Variants in CCDC88C observed in about 807,000 individuals in gnomAD.
CCDC88C encodes protein Daple.
A neutral mutation model predicts 198.8 loss-of-function variants in CCDC88C; 131 were observed. The observed-to-expected ratio is 0.66, with a 90% CI of 0.57 to 0.76. The LOEUF (loss-of-function observed/expected upper bound fraction) is 0.76, where lower values mean the gene tolerates loss of function less well. CCDC88C is among the 30% of genes least tolerant of loss of function. The probability of loss-of-function intolerance (pLI) is 0.00; values close to 1 mark genes in which losing one functional copy is unlikely to be tolerated. For missense variants in CCDC88C, 2,553 were observed against 2,631.6 expected (o/e 0.97, Z 0.65); for synonymous variants, 1,166 against 1,114.7 (o/e 1.05, Z -0.92).
At chr14:91,298,331 G>A (rs559597334) in intron 21 of CCDC88C, among the ~76,000 whole-genome samples, 16 of 151,840 alleles carry the variant, frequency 1.1e-4, no homozygotes, top group African/African-American at 3.1e-4. Context: ...CCGAGATCGC[G>A]CCACTGCACT....
chr14:91,320,564 C>T (rs1344960286), intron 13 of CCDC88C, among the ~76,000 whole-genome samples: 1 of 152,208 alleles, frequency 6.6e-6, no homozygotes, highest in East Asian at 1.9e-4. Flanking sequence ...GATCTGCAGC[C>T]AGCCGATCAG....
chr14:91,395,252 C>A (rs902976536), intron 3 of CCDC88C, among the ~76,000 whole-genome samples: 1 of 152,166 alleles, frequency 6.6e-6, no homozygotes, highest in African/African-American at 2.4e-5. Context: ...CTGCCCCCTC[C>A]GCCTGCAGAA....
rs186499974 is a variant in CCDC88C at position 91,339,836 on chromosome 14, G to C, written c.624+48C>G. On this transcript the variant is annotated intron_variant, in intron 7 of 29. Coordinates refer to ENST00000389857, the MANE Select transcript of CCDC88C (RefSeq NM_001080414.4). The surrounding 1 kb of genome is among the most constrained non-coding windows in gnomAD (Gnocchi z 5.8). ...AGATGAAGGGAGAGGAGATGAAGGG[G>C]CCTAAGCCCCTTCCCAGGCTGACCG... 76 of 1,535,514 alleles carry C rather than the reference G, an allele frequency of 4.9e-5. No homozygotes were observed. The African/African-American group carries it at 8.5e-4, about 17-fold the overall frequency.
intron 12 of CCDC88C, among the ~76,000 whole-genome samples, chr14:91,323,663 T>A (rs941700461): frequency 6.6e-6 from 1 of 152,152 alleles, no homozygotes; most frequent in African/African-American, 2.4e-5. Context: ...TAGAAAATGG[T>A]CTAAATCGGT....
In CCDC88C at chr14:91,289,197, G is replaced by C. The variant is rs570846021; in HGVS notation, c.4349C>G (p.Pro1450Arg). ...GGGGTTCTCGGCCTGTGATCTGAGC[G>C]GCTGAGAGGCCGCCGGCGAGGCGGG... is the stretch of plus-strand genomic sequence containing the variant. ...SDPASPAASQ[P>R]LRSQAENPDT... Residue 1450 changes from proline to arginine, a missense_variant, in exon 25 of 30, where the codon CCG (proline) becomes CGG (arginine). Pro to Arg is a moderately radical substitution (Grantham distance 103, BLOSUM62 -2). Transcript: ENST00000389857. The C allele has an allele frequency of 2.5e-6, 4 of 1,613,978 alleles. No individual in the cohort carries two copies. In the East Asian group the frequency reaches 8.9e-5, roughly 36 times the overall value.
intron 3 of CCDC88C, among the ~76,000 whole-genome samples, chr14:91,386,431 G>A (rs1214939832): frequency 6.6e-6 from 1 of 151,932 alleles, no homozygotes; most frequent in Non-Finnish European, 1.5e-5. Context: ...TTTGCAGTCC[G>A]GCCCGGGAAA....
intron 3 of CCDC88C, among the ~76,000 whole-genome samples, chr14:91,383,229 G>A (rs1884913641): frequency 6.6e-6 from 1 of 152,222 alleles, no homozygotes; most frequent in Admixed American, 6.5e-5. Flanking sequence ...CCCTGGCTCT[G>A]CCAGGCCTGG....
At chr14:91,398,490 C>A (rs1667515629) in intron 3 of CCDC88C, among the ~76,000 whole-genome samples, 1 of 151,946 alleles carries the variant, frequency 6.6e-6, no homozygotes, top group African/African-American at 2.4e-5. Flanking sequence ...CCCATCTCTA[C>A]AAAAAATACA....
At chr14:91,392,948 C>A (rs939327085) in intron 3 of CCDC88C, among the ~76,000 whole-genome samples, 17 of 152,158 alleles carry the variant, frequency 1.1e-4, no homozygotes, top group African/African-American at 3.6e-4. Flanking sequence ...TCCAGAGAGT[C>A]CTCAAGGCCT....
intron 16 of CCDC88C, 118 bp downstream of exon 16, chr14:91,309,741 A>G: frequency 1.9e-6 from 2 of 1,048,046 alleles, no homozygotes; most frequent in Admixed American, 3.0e-5. Flanking sequence ...GAACCGCGTG[A>G]GGTCACAGCC....
chr14:91,325,862 C>T lies in CCDC88C; in HGVS notation c.1197+48G>A, dbSNP rs949364668. 4 of 1,530,028 alleles carry T rather than the reference C, an allele frequency of 2.6e-6. No homozygotes were observed. The African/African-American group carries it at 4.1e-5, about 16-fold the overall frequency. 94.8% of individuals were successfully genotyped at this position (1,530,028 alleles called of 1,614,324 possible). A position where few individuals can be genotyped will look rare whatever the true frequency, so the allele number is the denominator to read the frequency against. On this transcript the variant is annotated intron_variant, in intron 11 of 29. Transcript: ENST00000389857. The surrounding 1 kb of genome is among the most constrained non-coding windows in gnomAD (Gnocchi z 4.1). Reference sequence around the variant, plus strand: ...GGGATTACAGGCATGAGCCACTGTGCCCGAGCCCAATCTGTTTTCAATGTA... The same window carrying T: ...GGGATTACAGGCATGAGCCACTGTGTCCGAGCCCAATCTGTTTTCAATGTA...
At position 91,343,617 on chromosome 14, in the gene CCDC88C, C is replaced by G; in HGVS notation, c.381G>C (p.Val127=). ...MEEIKKVLLL[V]LGCAVQCERK... ...TCCCTACCTGGACAGCACAGCCCAG[C>G]ACCAGCAGCAGCACCTTCTTGATTT... The change falls in exon 5 of 30, where the codon GTG becomes GTC. Residue 127 remains valine (V), a synonymous_variant. Transcript: ENST00000389857. The G allele has an allele frequency of 6.2e-7, 1 of 1,613,796 alleles. No individual in the cohort carries two copies. The highest frequency in any genetic ancestry group is 1.1e-5 in the South Asian group (1 of 91,082).
chr14:91,302,784 G>GA (rs1447182763), intron 20 of CCDC88C, among the ~76,000 whole-genome samples: 1 of 152,046 alleles, frequency 6.6e-6, no homozygotes, highest in Non-Finnish European at 1.5e-5. Flanking sequence ...GGTTAAAAAT[G>GA]AAAAAAAGCA....
intron 4 of CCDC88C, among the ~76,000 whole-genome samples, chr14:91,358,865 G>T (rs1894162028): frequency 6.6e-6 from 1 of 152,140 alleles, no homozygotes; most frequent in Admixed American, 6.6e-5. Flanking sequence ...ACGCGTGCCT[G>T]CCAGGAGAGC....
At chr14:91,403,815 A>G (rs1886341713) in intron 3 of CCDC88C, among the ~76,000 whole-genome samples, 1 of 152,228 alleles carries the variant, frequency 6.6e-6, no homozygotes, top group Admixed American at 6.5e-5. Context: ...TGGTGGTCCC[A>G]GCTACTCGGG....
Position 91,305,252 on chromosome 14 carries a change from C to T in CCDC88C, c.3357+513G>A, listed in dbSNP as rs750519037. On this transcript the variant is annotated intron_variant, in intron 19 of 29. Transcript: ENST00000389857. ...AATTTATTTCCCCACAGTCTATAGGCGATAAATGAAAACAAGCATCTGAAG... is the reference window on the plus strand; with the variant it reads ...AATTTATTTCCCCACAGTCTATAGGTGATAAATGAAAACAAGCATCTGAAG... 2.6e-5 allele frequency among the ~76,000 whole-genome samples: 4 copies of T among 152,090 alleles called. No homozygotes were observed. In the East Asian group the frequency reaches 7.7e-4, roughly 29 times the overall value.
rs761956102 is a variant in CCDC88C at position 91,283,432 on chromosome 14, C to A, written c.4527G>T (p.Arg1509Ser). The A allele has an allele frequency of 1.2e-5, 19 of 1,613,414 alleles. No individual in the cohort carries two copies. The African/African-American group carries it at 1.9e-4, about 16-fold the overall frequency. Residue 1509 changes from arginine (R) to serine (S), a missense_variant, in exon 26 of 30, where the codon AGG becomes AGT. Physicochemically the swap from Arg to Ser is moderately radical, Grantham distance 110 (BLOSUM62 -1). Around this residue, in one of 2 missense-constraint regions of CCDC88C, gnomAD observed 1,293 missense variants for 1,219.6 expected, o/e 1.06. Coordinates refer to ENST00000389857, the MANE Select transcript of CCDC88C (RefSeq NM_001080414.4). ...GGGAGCCCAGCTCCGAGGGCCAGGA[C>A]CTCATGGCCAGATCGGTGGAGGCAT... Reference protein sequence around the residue: ...RTDASTDLAMRSWPSELGSRT... With the variant: ...RTDASTDLAMSSWPSELGSRT...
intron 3 of CCDC88C, among the ~76,000 whole-genome samples, chr14:91,366,153 TACACACACAC>T (rs57281083): frequency 0.013 from 1,797 of 136,448 alleles, 14 homozygotes; most frequent in Middle Eastern, 0.018. Context: ...ACTTAAAAAA[TACACACACAC>T]ACACACACAC....
In CCDC88C at chr14:91,272,667, G is replaced by T; in HGVS notation, c.6045C>A (p.Gly2015=). 2 of 1,611,542 alleles carry T rather than the reference G, an allele frequency of 1.2e-6. No homozygotes were observed. Residue 2015 remains glycine (G), a synonymous_variant, in exon 30 of 30, where the codon GGC becomes GGA. Transcript: ENST00000389857. ...CATACCACACGGTCTGCGGATCCCC[G>T]CCGGGCTCCGGGGAGGCCGGACTGC... ...SKSSPASPEP[G]GDPQTVWYEY... is the part of the protein sequence containing the mutation.
Sources: allele counts gnomAD v4.1 joint callset (sites outside exome capture counted in the v4.1 genomes callset), GRCh38; gene constraint gnomAD v4.1.1; regional missense constraint gnomAD v4.1.1; non-coding constraint Gnocchi (gnomAD v3.1); transcripts MANE v1.5; gene names NCBI Gene and HGNC (gene_info 2026-07-23, HGNC 2026-07-21).